NDUFB5: variants seen among roughly 807,000 people sequenced by gnomAD.
NDUFB5 encodes NADH:ubiquinone oxidoreductase subunit B5.
In NDUFB5, 19 loss-of-function variants were observed where a neutral mutation model predicts 19.4. The observed-to-expected ratio is 0.98, with a 90% CI of 0.68 to 1.43. The LOEUF is 1.43. NDUFB5 is among the 40% of genes most tolerant of loss of function. NDUFB5 has a pLI of 0.00. For missense variants in NDUFB5, 233 were observed against 236.5 expected (o/e 0.99, Z 0.10); for synonymous variants, 80 against 82.6 (o/e 0.97, Z 0.17).
Position 179,614,961 on chromosome 3 carries a change from A to T in NDUFB5, c.125-10A>T. 6.3e-7 allele frequency: 1 copy of T among 1,590,284 alleles called. No individual in the cohort carries two copies. The highest frequency in any genetic ancestry group is 8.6e-7 in the Non-Finnish European group (1 of 1,161,116). On this transcript the variant is annotated splice_polypyrimidine_tract_variant and intron_variant, in intron 1 of 5. Coordinates refer to ENST00000259037, the MANE Select transcript of NDUFB5 (RefSeq NM_002492.4). Reference sequence around the variant, plus strand: ...ACCTTGTATAAAACAGGGTAATTCAATATTCCCAGCTCCTGTTCGACACAG... The same window carrying T: ...ACCTTGTATAAAACAGGGTAATTCATTATTCCCAGCTCCTGTTCGACACAG...
intron 1 of NDUFB5, among the ~76,000 whole-genome samples, chr3:179,611,386 A>G (rs1402596331): frequency 1.3e-5 from 2 of 152,028 alleles, no homozygotes; most frequent in African/African-American, 4.8e-5. Context: ...AATGAGGGAA[A>G]GAAAATGACC....
intron 2 of NDUFB5, 34 bp from the exon 3 acceptor site, chr3:179,615,949 A>G (rs1719365017): frequency 6.7e-7 from 1 of 1,492,260 alleles, no homozygotes; most frequent in East Asian, 2.3e-5. Flanking sequence ...GAGTTACGAA[A>G]TGGTCATGAG....
At chr3:179,618,301 A>G (rs906854424) in intron 4 of NDUFB5, 114 bp from the exon 5 acceptor site, 1 of 608,862 alleles carries the variant, frequency 1.6e-6, no homozygotes, top group Admixed American at 3.4e-5. Flanking sequence ...TATTAGTTAC[A>G]TAGTAGATGT....
At chr3:179,619,241 A>G (rs1038912210) in intron 5 of NDUFB5, among the ~76,000 whole-genome samples, 4 of 138,232 alleles carry the variant, frequency 2.9e-5, no homozygotes, top group Non-Finnish European at 6.1e-5. Context: ...TTTAGGGTAC[A>G]TGTGCACAAC....
At position 179,627,516 on chromosome 3, in the gene NDUFB5, C is replaced by A. The variant is rs1719699789; in HGVS notation, c.*3476C>A. 6.6e-6 allele frequency: 1 copy of A among 152,236 alleles called. No individual in the cohort carries two copies. The highest frequency in any genetic ancestry group is 2.4e-5 in the African/African-American group (1 of 41,416). 9.4% of individuals were successfully genotyped at this position (152,236 alleles called of 1,614,324 possible). On this transcript the variant is annotated 3_prime_UTR_variant, in exon 6 of 6. Transcript: ENST00000259037. ...TTTCTTGCTTCTGTAATATGCTTCC[C>A]CCTGCACAGATCTCCCCCTGCCCCA...
intron 1 of NDUFB5, among the ~76,000 whole-genome samples, chr3:179,612,052 T>G (rs1034325630): frequency 2.6e-5 from 4 of 151,072 alleles, no homozygotes; most frequent in Admixed American, 6.6e-5. Context: ...TGGGCTCAAG[T>G]GATCCTCCCG....
At chr3:179,618,601 A>C in intron 5 of NDUFB5, 80 bp downstream of exon 5, 1 of 930,994 alleles carries the variant, frequency 1.1e-6, no homozygotes. Context: ...TAAAACTATG[A>C]ATATTTCAGC....
intron 1 of NDUFB5, among the ~76,000 whole-genome samples, chr3:179,612,039 T>G (rs1719255224): frequency 6.6e-6 from 1 of 151,632 alleles, no homozygotes; most frequent in African/African-American, 2.4e-5. Flanking sequence ...GACCTCAAAC[T>G]CCTGGGCTCA....
In NDUFB5 at chr3:179,615,928, G is replaced by T. The variant is rs973766537; in HGVS notation, c.214-55G>T. ...GGAAATCATATCATGAGGATGATTTGTGTGTGGGGAGAGTTACGAAATGGT... is the reference window on the plus strand; with the variant it reads ...GGAAATCATATCATGAGGATGATTTTTGTGTGGGGAGAGTTACGAAATGGT... On this transcript the variant is annotated intron_variant, in intron 2 of 5. Coordinates refer to ENST00000259037, the MANE Select transcript of NDUFB5 (RefSeq NM_002492.4). 4 of 1,285,862 alleles carry T rather than the reference G, an allele frequency of 3.1e-6. No individual in the cohort carries two copies. In the African/African-American group the frequency reaches 4.4e-5, roughly 14 times the overall value. The allele number at this position is 1,285,862 out of a possible 1,614,324, so 79.7% of individuals were successfully genotyped here. A position where few individuals can be genotyped will look rare whatever the true frequency, so the allele number is the denominator to read the frequency against.
Position 179,615,965 on chromosome 3 carries a change from C to T in NDUFB5, c.214-18C>T. 7.2e-7 allele frequency: 1 copy of T among 1,397,646 alleles called. No homozygotes were observed. Among genetic ancestry groups the T allele is most frequent in the Non-Finnish European group, 9.9e-7 (1 of 1,014,196 alleles). The allele number at this position is 1,397,646 out of a possible 1,614,324, so 86.6% of individuals were successfully genotyped here. A position where few individuals can be genotyped will look rare whatever the true frequency, so the allele number is the denominator to read the frequency against. On this transcript the variant is annotated intron_variant, in intron 2 of 5. Coordinates refer to ENST00000259037, the MANE Select transcript of NDUFB5 (RefSeq NM_002492.4). ...AGTTACGAAATGGTCATGAGAAACA[C>T]TTTTTTTTTTATCTTAGAGATTCTA...
chr3:179,605,071 G>C, intron 1 of NDUFB5, 132 bp downstream of exon 1: 1 of 1,291,996 alleles, frequency 7.7e-7, no homozygotes, highest in Non-Finnish European at 1.0e-6. Flanking sequence ...TGACAGGAGA[G>C]ACGGAGCACG....
intron 1 of NDUFB5, among the ~76,000 whole-genome samples, chr3:179,614,389 G>A (rs79928010): frequency 0.023 from 3,555 of 152,262 alleles, 145 homozygotes; most frequent in African/African-American, 0.082. Flanking sequence ...CTGGTGATTT[G>A]TTGAGTAAAT....
intron 1 of NDUFB5, 54 bp downstream of exon 1, chr3:179,604,993 G>A (rs958482910): frequency 1.3e-5 from 20 of 1,494,656 alleles, no homozygotes; most frequent in Non-Finnish European, 1.6e-5. Flanking sequence ...GCGAGAAAAG[G>A]GAGGACGCTT....
rs1719442661 is a variant in NDUFB5, at chr3:179,618,522, G to T, written c.449+1G>T. On this transcript the variant is annotated splice_donor_variant, in intron 5 of 5. Coordinates refer to ENST00000259037, the MANE Select transcript of NDUFB5 (RefSeq NM_002492.4). LOFTEE classifies it high-confidence loss of function. ...TTGAAGCTGAAAAGGCTGAATTACG[G>T]TAGGAAAAACGAGGGGGTAGGTGGG... 2 of 1,603,092 alleles carry T rather than the reference G, an allele frequency of 1.2e-6. No homozygotes were observed. Among genetic ancestry groups the T allele is most frequent in the Non-Finnish European group, 1.7e-6 (2 of 1,173,518 alleles).
intron 1 of NDUFB5, among the ~76,000 whole-genome samples, chr3:179,612,342 C>T (rs1011109261): frequency 1.3e-5 from 2 of 150,500 alleles, no homozygotes; most frequent in Admixed American, 1.3e-4. Context: ...AAAAAAGTTA[C>T]ATGCTATGAA....
intron 2 of NDUFB5, chr3:179,615,469 G>A (rs1719352589): frequency 2.7e-6 from 1 of 367,446 alleles, no homozygotes; most frequent in Non-Finnish European, 5.6e-6. Flanking sequence ...ATTTCAGAGA[G>A]TAACAGGGAT....
Position 179,623,965 on chromosome 3 carries a change from T to G in NDUFB5, c.495T>G (p.Asp165Glu). 1 of 1,576,748 alleles carries G rather than the reference T, an allele frequency of 6.3e-7. No individual in the cohort carries two copies. The change falls in exon 6 of 6, where the codon GAT becomes GAG. Residue 165 changes from aspartate to glutamate, a missense_variant. By Grantham distance (45) the Asp-to-Glu change is conservative. Transcript: ENST00000259037. ...EVRKLMHVRG[D>E]GPWYYYETID... is the part of the protein sequence containing the mutation. ...GAAAATTGATGCATGTGAGAGGAGA[T>G]GGACCCTGGTATTACTATGAGACAA...
chr3:179,624,003 T>C lies in NDUFB5; in HGVS notation c.533T>C (p.Leu178Pro). Residue 178 changes from leucine to proline, a missense_variant, in exon 6 of 6, where the codon CTT becomes CCT. Transcript: ENST00000259037. Reference sequence around the variant, plus strand: ...TACTATGAGACAATTGACAAGGAACTTATTGATCATTCTCCGAAAGCAACT... The same window carrying C: ...TACTATGAGACAATTGACAAGGAACCTATTGATCATTCTCCGAAAGCAACT... ...WYYYETIDKELIDHSPKATPD... is the reference protein window; with the variant it reads ...WYYYETIDKEPIDHSPKATPD... 1 of 1,613,986 alleles carries C rather than the reference T, an allele frequency of 6.2e-7. No individual in the cohort carries two copies. Among genetic ancestry groups the C allele is most frequent in the Non-Finnish European group, 8.5e-7 (1 of 1,179,904 alleles).
intron 2 of NDUFB5, chr3:179,615,524 A>G (rs550361445): frequency 5.3e-5 from 24 of 450,160 alleles, no homozygotes; most frequent in African/African-American, 4.6e-4. Flanking sequence ...TACATTGCTT[A>G]TTTAGAATGC....
Sources: allele counts gnomAD v4.1 joint callset (sites outside exome capture counted in the v4.1 genomes callset), GRCh38; gene constraint gnomAD v4.1.1; transcripts MANE v1.5; gene names NCBI Gene and HGNC (gene_info 2026-07-23, HGNC 2026-07-21).